TLN2: variants seen among roughly 807,000 people sequenced by gnomAD.
TLN2 encodes the protein talin 2, also known as talin-2.
TLN2 carries 118 observed loss-of-function variants against 294.7 expected under a neutral mutation model. That is an observed-to-expected ratio of 0.40 (90% CI 0.34 to 0.47). TLN2 has a LOEUF of 0.47. Ranked by LOEUF, TLN2 falls within the 20% of genes least tolerant of loss-of-function variation. The probability of loss-of-function intolerance (pLI) is 0.84; values close to 1 mark genes in which losing one functional copy is unlikely to be tolerated. For missense variants in TLN2, 3,083 were observed against 3,282.2 expected (o/e 0.94, Z 1.48); for synonymous variants, 1,431 against 1,304.5 (o/e 1.10, Z -2.09).
chr15:62,444,132 C>T (rs898263878), intron 1 of TLN2, among the ~76,000 whole-genome samples: 2 of 152,128 alleles, frequency 1.3e-5, no homozygotes, highest in African/African-American at 4.8e-5. Flanking sequence ...GCCGTTTGAA[C>T]CTATAAAGAA....
intron 11 of TLN2, among the ~76,000 whole-genome samples, chr15:62,683,461 A>G (rs997349319): frequency 1.4e-5 from 2 of 143,154 alleles, no homozygotes; most frequent in African/African-American, 5.0e-5. Context: ...GAATGCCTGC[A>G]TTCTCCCGCC....
intron 19 of TLN2, among the ~76,000 whole-genome samples, chr15:62,704,725 C>A (rs913987551): frequency 3.9e-5 from 6 of 152,012 alleles, no homozygotes; most frequent in African/African-American, 1.5e-4. Context: ...TCCCTAGAAT[C>A]AAAATGAACT....
chr15:62,750,644 C>T (rs966566997), intron 34 of TLN2, among the ~76,000 whole-genome samples, 153 bp downstream of exon 34: 2 of 152,282 alleles, frequency 1.3e-5, no homozygotes, highest in Non-Finnish European at 2.9e-5. Flanking sequence ...TGCTCAGGAG[C>T]TTCTCAAACT....
At chr15:62,728,120 C>A (rs1448384378) in intron 28 of TLN2, among the ~76,000 whole-genome samples, 1 of 152,118 alleles carries the variant, frequency 6.6e-6, no homozygotes, top group Non-Finnish European at 1.5e-5. Flanking sequence ...TCCCTTGTGC[C>A]CCCTCCCAAT....
At chr15:62,609,620 C>T (rs1035316229) in intron 2 of TLN2, among the ~76,000 whole-genome samples, 4 of 152,126 alleles carry the variant, frequency 2.6e-5, no homozygotes, top group African/African-American at 7.2e-5. Context: ...GCGTCGTTGG[C>T]GGGAATATCA....
chr15:62,591,801 A>C (rs950745650), intron 2 of TLN2, among the ~76,000 whole-genome samples: 1 of 152,054 alleles, frequency 6.6e-6, no homozygotes, highest in African/African-American at 2.4e-5. Flanking sequence ...CACAGCTCAG[A>C]GTTCCGAGCT....
rs2140964384 is a variant in TLN2, at chr15:62,739,558, G to T, written c.3885+13G>T. The T allele has an allele frequency of 6.2e-7, 1 of 1,613,998 alleles. No individual in the cohort carries two copies. Among genetic ancestry groups the T allele is most frequent in the East Asian group, 2.2e-5 (1 of 44,886 alleles). On this transcript the variant is annotated intron_variant, in intron 31 of 58. Transcript: ENST00000636159. ...TGGCCAAGCTCAGGTGGGTGTGGAG[G>T]TGGTTGTCTGGAGTTGACCTTAGCC...
At chr15:62,730,253 G>A (rs755535483) in intron 28 of TLN2, among the ~76,000 whole-genome samples, 5 of 152,062 alleles carry the variant, frequency 3.3e-5, no homozygotes, top group East Asian at 1.9e-4. Flanking sequence ...TGTTGGCCAG[G>A]ATGGTCTTGA....
chr15:62,461,525 C>T (rs1865487), intron 1 of TLN2, among the ~76,000 whole-genome samples: 82,134 of 152,058 alleles, frequency 0.54, 22,922 homozygotes, highest in Non-Finnish European at 0.63. Context: ...TATACCTAGA[C>T]GTAGTATTTA....
At chr15:62,613,852 CAAAAAAA>C (rs774755284) in intron 2 of TLN2, among the ~76,000 whole-genome samples, 1 of 80,476 alleles carries the variant, frequency 1.2e-5, no homozygotes, top group Non-Finnish European at 2.6e-5. Flanking sequence ...GAAGCCAGGC[CAAAAAAA>C]AAAAAAAAGA....
intron 45 of TLN2, among the ~76,000 whole-genome samples, chr15:62,791,618 C>T (rs927713633): frequency 1.3e-5 from 2 of 152,138 alleles, no homozygotes; most frequent in African/African-American, 4.8e-5. Context: ...AAAAATCTCC[C>T]AGGTTTTATT....
chr15:62,803,813 G>T (rs2066089771), intron 50 of TLN2, among the ~76,000 whole-genome samples: 1 of 152,140 alleles, frequency 6.6e-6, no homozygotes, highest in Non-Finnish European at 1.5e-5. Context: ...TATTTAGTTG[G>T]TTCAGTGAGG....
At chr15:62,552,950 T>C (rs981359092) in intron 1 of TLN2, among the ~76,000 whole-genome samples, 1 of 152,248 alleles carries the variant, frequency 6.6e-6, no homozygotes, top group African/African-American at 2.4e-5. Flanking sequence ...TGTGTTTATT[T>C]TTCTAGCCTG....
At chr15:62,455,546 CT>C (rs1450292132) in intron 1 of TLN2, among the ~76,000 whole-genome samples, 1 of 152,148 alleles carries the variant, frequency 6.6e-6, no homozygotes, top group Non-Finnish European at 1.5e-5. Flanking sequence ...TGTCTGTTGA[CT>C]TTTAGAAAGA....
intron 3 of TLN2, among the ~76,000 whole-genome samples, chr15:62,619,240 T>A (rs1472413588): frequency 6.6e-6 from 1 of 152,246 alleles, no homozygotes; most frequent in Non-Finnish European, 1.5e-5. Context: ...ACTTTCCATG[T>A]TTGGCTCTGA....
intron 54 of TLN2, among the ~76,000 whole-genome samples, chr15:62,823,097 T>C (rs1196089735): frequency 6.6e-6 from 1 of 152,196 alleles, no homozygotes; most frequent in Admixed American, 6.5e-5. Flanking sequence ...TAACTGATGA[T>C]GTGAATCCTT....
intron 26 of TLN2, 80 bp downstream of exon 26, chr15:62,722,567 T>G: frequency 7.0e-7 from 1 of 1,436,490 alleles, no homozygotes; most frequent in African/African-American, 1.4e-5. Context: ...GCCTGAACAC[T>G]GCTGAACCTA....
chr15:62,783,752 G>A lies in TLN2; in HGVS notation c.5617-19G>A. 6.3e-7 allele frequency: 1 copy of A among 1,577,282 alleles called. No homozygotes were observed. Among genetic ancestry groups the A allele is most frequent in the Non-Finnish European group, 8.7e-7 (1 of 1,155,850 alleles). On this transcript the variant is annotated intron_variant, in intron 44 of 58. Transcript: ENST00000636159. ...GTGTGTGTGTGTGTGTGTGTGTCTT[G>A]CTTGTTTTCTTTTTCCAGATGACTA...
chr15:62,507,988 G>GT (rs200459386), intron 1 of TLN2, among the ~76,000 whole-genome samples: 2,584 of 151,344 alleles, frequency 0.017, 76 homozygotes, highest in African/African-American at 0.06. Context: ...AAATTTCAAG[G>GT]TTTTTTTTTG....
Sources: allele counts gnomAD v4.1 joint callset (sites outside exome capture counted in the v4.1 genomes callset), GRCh38; gene constraint gnomAD v4.1.1; transcripts MANE v1.5; gene names NCBI Gene and HGNC (gene_info 2026-07-23, HGNC 2026-07-21).